Variants in MYCBP2 observed in about 807,000 individuals in gnomAD.
MYCBP2 encodes the protein MYC binding protein 2, also known as E3 ubiquitin-protein ligase MYCBP2.
Under a neutral mutation model 525.3 loss-of-function variants are expected in MYCBP2, and 120 were observed. That is an observed-to-expected ratio of 0.23 (90% confidence interval 0.20 to 0.27). The LOEUF (loss-of-function observed/expected upper bound fraction) is 0.27. Among genes scored for constraint, MYCBP2 ranks in the 10% least tolerant of loss-of-function variants. The pLI is 1.00. For synonymous variants in MYCBP2, 1,894 were observed against 1,955.8 expected, an observed-to-expected ratio of 0.97 and a Z score of 0.83; for missense variants, 4,149 against 5,657.1, an observed-to-expected ratio of 0.73 and a Z score of 8.55.
intron 1 of MYCBP2, among the ~76,000 whole-genome samples, chr13:77,325,358 GA>G (rs932354219): frequency 4.6e-5 from 7 of 151,830 alleles, no homozygotes; most frequent in African/African-American, 1.7e-4. Flanking sequence ...GAAGCTGTGG[GA>G]AAAAAAAGAT....
intron 7 of MYCBP2, among the ~76,000 whole-genome samples, chr13:77,269,577 G>C (rs2154343801): frequency 6.6e-6 from 1 of 152,170 alleles, no homozygotes; most frequent in East Asian, 1.9e-4. Context: ...AGTGAGCCGA[G>C]ACTGTGCCAC....
chr13:77,287,354 T>C (rs34902275), intron 3 of MYCBP2, among the ~76,000 whole-genome samples: 87,150 of 151,474 alleles, frequency 0.58, 28,419 homozygotes, highest in Non-Finnish European at 0.73. Context: ...CGGGCTAATT[T>C]TTGTATTTTT....
At chr13:77,152,551 C>T (rs190534500) in intron 46 of MYCBP2, among the ~76,000 whole-genome samples, 3 of 152,304 alleles carry the variant, frequency 2.0e-5, no homozygotes, top group South Asian at 2.1e-4. Context: ...CCCCCCTACC[C>T]TATGCCCCTA....
chr13:77,144,886 AAGTGT>A (rs1277355700), intron 48 of MYCBP2, among the ~76,000 whole-genome samples: 2 of 152,146 alleles, frequency 1.3e-5, no homozygotes, highest in African/African-American at 4.8e-5. Context: ...AGAATGGAGG[AAGTGT>A]CCTGGATCTG....
At position 77,323,445 on chromosome 13, in the gene MYCBP2, A is replaced by G. The variant is rs148157671; in HGVS notation, c.302+3029T>C. On this transcript the variant is annotated intron_variant, in intron 1 of 82. Coordinates refer to ENST00000544440, the MANE Select transcript of MYCBP2 (RefSeq NM_015057.5). ...CAAGGCCTTTATAAATTCCCAGAAC[A>G]TTCTTCCTCTACATCTGCCTCCTCA... Among the ~76,000 whole-genome samples the G allele has an allele frequency of 3.9e-5, 6 of 152,344 alleles. No homozygotes were observed. In the East Asian group the frequency reaches 1.2e-3, roughly 29 times the overall value.
chr13:77,284,712 T>C (rs997128812), intron 3 of MYCBP2, among the ~76,000 whole-genome samples: 1 of 152,210 alleles, frequency 6.6e-6, no homozygotes, highest in African/African-American at 2.4e-5. Context: ...ATTTTCTTGT[T>C]TGCACCTAAA....
chr13:77,201,431 C>G (rs1038577594), intron 26 of MYCBP2, among the ~76,000 whole-genome samples: 5 of 151,934 alleles, frequency 3.3e-5, no homozygotes, highest in South Asian at 2.1e-4. Flanking sequence ...TAGACTCCCA[C>G]ACATTAATAA....
rs1057273257 is a variant in MYCBP2 at position 77,066,147 on chromosome 13, A to G, written c.12456-59T>C. ...AATTATCAGTAGTAGTAACAAATGA[A>G]AAAGATGAAAATGTTATTTCAGAAT... On this transcript the variant is annotated intron_variant, in intron 71 of 82. Coordinates refer to ENST00000544440, the MANE Select transcript of MYCBP2 (RefSeq NM_015057.5). The G allele has an allele frequency of 2.6e-6, 3 of 1,162,810 alleles. No homozygotes were observed. The African/African-American group carries it at 4.6e-5, about 18-fold the overall frequency. The allele number at this position is 1,162,810 out of a possible 1,614,324, so 72.0% of individuals were successfully genotyped here.
At chr13:77,217,177 G>A (rs1311165249) in intron 21 of MYCBP2, among the ~76,000 whole-genome samples, 2 of 152,176 alleles carry the variant, frequency 1.3e-5, no homozygotes, top group South Asian at 4.1e-4. Flanking sequence ...AAAATCAAAA[G>A]CTGTAAATGT....
At chr13:77,203,942 C>T (rs560181528) in intron 26 of MYCBP2, among the ~76,000 whole-genome samples, 218 of 151,952 alleles carry the variant, frequency 1.4e-3, no homozygotes, top group Admixed American at 3.0e-3. Context: ...CCATAAAAAC[C>T]CTAGAAGAAA....
chr13:77,157,886 GAAGA>G (rs766877706), intron 45 of MYCBP2, 47 bp downstream of exon 45: 7 of 1,433,542 alleles, frequency 4.9e-6, no homozygotes, highest in Non-Finnish European at 5.7e-6. Context: ...TTTCAGAAAT[GAAGA>G]AAGATGAAAG....
chr13:77,095,288 AC>A, intron 58 of MYCBP2, 69 bp downstream of exon 58: 2 of 1,569,288 alleles, frequency 1.3e-6, no homozygotes, highest in South Asian at 1.2e-5. Context: ...ATACCGAACT[AC>A]CCTAGATATC....
At chr13:77,251,101 A>G (rs2071135710) in intron 15 of MYCBP2, 50 bp downstream of exon 15, 1 of 1,573,080 alleles carries the variant, frequency 6.4e-7, no homozygotes, top group Non-Finnish European at 8.7e-7. Context: ...ATGATTTTGC[A>G]AAGAAATGTG....
chr13:77,058,506 G>A lies in MYCBP2; in HGVS notation c.13141-100C>T. ...AATTTCCAAAGATTACTTTCCCACA[G>A]GAAGTATCTATGCAGGCCAAGTAAC... is the stretch of plus-strand genomic sequence containing the variant. On this transcript the variant is annotated intron_variant, in intron 77 of 82. Transcript: ENST00000544440. The surrounding 1 kb of genome is among the most constrained non-coding windows in gnomAD (Gnocchi z 4.1). 9.6e-7 allele frequency: 1 copy of A among 1,046,016 alleles called. No individual in the cohort carries two copies. Among genetic ancestry groups the A allele is most frequent in the South Asian group, 1.9e-5 (1 of 52,010 alleles). The allele number at this position is 1,046,016 out of a possible 1,614,324, so 64.8% of individuals were successfully genotyped here.
rs150329519 is a variant in MYCBP2, at chr13:77,147,065, G to A, written c.7132-848C>T. Among the ~76,000 whole-genome samples, 10 of 152,144 alleles carry A rather than the reference G, an allele frequency of 6.6e-5. No individual in the cohort carries two copies. In the East Asian group the frequency reaches 1.2e-3, roughly 18 times the overall value. ...TAAAATGAATGACCTATAGCTACAC[G>A]GCTGAACCTCAAAAACAACATTAAG... is the stretch of plus-strand genomic sequence containing the variant. On this transcript the variant is annotated intron_variant, in intron 47 of 82. Coordinates refer to ENST00000544440, the MANE Select transcript of MYCBP2 (RefSeq NM_015057.5).
chr13:77,188,874 G>A, intron 30 of MYCBP2, 77 bp downstream of exon 30: 1 of 912,634 alleles, frequency 1.1e-6, no homozygotes, highest in Non-Finnish European at 1.6e-6. Flanking sequence ...AAACTTACAA[G>A]AGCAGCTAAA....
At chr13:77,263,501 T>C (rs2073637679) in intron 10 of MYCBP2, 150 bp downstream of exon 10, 1 of 566,918 alleles carries the variant, frequency 1.8e-6, no homozygotes, top group South Asian at 3.3e-5. Flanking sequence ...TTATTCATAT[T>C]AATTCAAAAT....
chr13:77,107,296 G>T (rs2048000683), intron 55 of MYCBP2, among the ~76,000 whole-genome samples: 1 of 152,108 alleles, frequency 6.6e-6, no homozygotes, highest in African/African-American at 2.4e-5. Flanking sequence ...AACATATTTA[G>T]AAACTAGTTT....
At chr13:77,094,251 T>C (rs1462891900) in intron 58 of MYCBP2, among the ~76,000 whole-genome samples, 2 of 152,162 alleles carry the variant, frequency 1.3e-5, no homozygotes, top group African/African-American at 2.4e-5. Flanking sequence ...TGTCAGCTGA[T>C]GAAAAAAATT....
Sources: gnomAD v4.1 joint callset for allele counts (sites outside exome capture counted in the v4.1 genomes callset) on GRCh38, gnomAD v4.1.1 for gene constraint, Gnocchi (gnomAD v3.1) non-coding constraint, MANE v1.5 for transcripts, NCBI Gene and HGNC (gene_info 2026-07-23, HGNC 2026-07-21) for gene names.